SLC35F1: variants seen among roughly 807,000 people sequenced by gnomAD.
The protein encoded by SLC35F1 is solute carrier family 35 member F1.
SLC35F1 carries 14 observed loss-of-function variants against 48.7 expected under a neutral mutation model. The observed-to-expected ratio is 0.29, with a 90% CI of 0.19 to 0.45. The LOEUF (loss-of-function observed/expected upper bound fraction) is 0.45, where lower values mean the gene tolerates loss of function less well. Ranked by LOEUF, SLC35F1 falls within the 20% of genes least tolerant of loss-of-function variation. SLC35F1 has a pLI of 1.00. For missense variants in SLC35F1, 404 were observed against 500.0 expected (o/e 0.81, Z 1.83); for synonymous variants, 190 against 202.2 (o/e 0.94, Z 0.51).
chr6:117,927,223 G>A (rs1415636090), intron 1 of SLC35F1, among the ~76,000 whole-genome samples: 1 of 152,206 alleles, frequency 6.6e-6, no homozygotes, highest in Non-Finnish European at 1.5e-5. Flanking sequence ...TAATGCATGT[G>A]TAAGGAAGAA....
intron 7 of SLC35F1, among the ~76,000 whole-genome samples, chr6:118,302,826 A>C (rs768459188): frequency 1.8e-4 from 28 of 152,110 alleles, no homozygotes; most frequent in Non-Finnish European, 1.0e-4. Flanking sequence ...GTACTGTGAA[A>C]ATTCAATAAT....
intron 2 of SLC35F1, among the ~76,000 whole-genome samples, chr6:118,160,407 CTATT>C (rs1451151087): frequency 1.3e-5 from 2 of 152,112 alleles, no homozygotes; most frequent in Non-Finnish European, 2.9e-5. Flanking sequence ...ATACATGAAA[CTATT>C]TATTGAATCA....
rs1314435971 is a variant in SLC35F1, at chr6:118,285,173, T to G, written c.848-11T>G. On this transcript the variant is annotated splice_polypyrimidine_tract_variant and intron_variant, in intron 6 of 7. Coordinates refer to ENST00000360388, the MANE Select transcript of SLC35F1 (RefSeq NM_001029858.4). Reference sequence around the variant, plus strand: ...GGCCCTGACGCTGCCTTCTCTTTACTCTTCCCCCAGGACTGCTCTACGTTG... The same window carrying G: ...GGCCCTGACGCTGCCTTCTCTTTACGCTTCCCCCAGGACTGCTCTACGTTG... The G allele has an allele frequency of 6.2e-7, 1 of 1,612,320 alleles. No homozygotes were observed. Among genetic ancestry groups the G allele is most frequent in the Non-Finnish European group, 8.5e-7 (1 of 1,178,622 alleles).
intron 2 of SLC35F1, among the ~76,000 whole-genome samples, chr6:118,234,012 A>G (rs1453108271): frequency 6.6e-6 from 1 of 152,234 alleles, no homozygotes; most frequent in East Asian, 1.9e-4. Context: ...ACAAGTCTTC[A>G]TAGGGTTGGA....
intron 1 of SLC35F1, among the ~76,000 whole-genome samples, chr6:118,035,937 C>T (rs62431213): frequency 0.04 from 6,071 of 152,056 alleles, 192 homozygotes; most frequent in African/African-American, 0.082. Context: ...CATGATCCGC[C>T]CGCCTCGGCC....
chr6:118,274,664 C>T (rs1163026172), intron 4 of SLC35F1, among the ~76,000 whole-genome samples: 1 of 152,208 alleles, frequency 6.6e-6, no homozygotes, highest in Admixed American at 6.5e-5. Flanking sequence ...TCCCAAAATG[C>T]TAGGATTACA....
intron 1 of SLC35F1, among the ~76,000 whole-genome samples, chr6:118,009,319 T>C (rs1204348573): frequency 2.6e-5 from 4 of 152,126 alleles, no homozygotes; most frequent in Non-Finnish European, 5.9e-5. Context: ...ATTAGGTTTA[T>C]TTTACAGGTG....
chr6:117,948,496 G>A (rs939136548), intron 1 of SLC35F1, among the ~76,000 whole-genome samples: 1 of 152,008 alleles, frequency 6.6e-6, no homozygotes, highest in African/African-American at 2.4e-5. Context: ...GAGCATTCTG[G>A]TTCTGGTGGA....
chr6:118,282,104 C>A (rs283085), intron 6 of SLC35F1, among the ~76,000 whole-genome samples: 76,130 of 152,008 alleles, frequency 0.5, 19,361 homozygotes, highest in Non-Finnish European at 0.55. Context: ...GTTACTGCAG[C>A]CATTTTGTAG....
At chr6:117,940,559 A>G (rs1244789464) in intron 1 of SLC35F1, among the ~76,000 whole-genome samples, 2 of 152,236 alleles carry the variant, frequency 1.3e-5, no homozygotes, top group Admixed American at 6.5e-5. Context: ...TCATTACAAG[A>G]TTATTCACAA....
chr6:118,007,030 G>GT (rs34534349), intron 1 of SLC35F1, among the ~76,000 whole-genome samples: 221 of 146,902 alleles, frequency 1.5e-3, no homozygotes, highest in Admixed American at 4.3e-3. Flanking sequence ...AACACATGTT[G>GT]TTTTTTTTTT....
At chr6:118,139,724 T>G (rs900272654) in intron 1 of SLC35F1, among the ~76,000 whole-genome samples, 3 of 152,200 alleles carry the variant, frequency 2.0e-5, no homozygotes, top group Non-Finnish European at 2.9e-5. Flanking sequence ...TGCTCCCAAA[T>G]TACTTGTAGC....
At chr6:118,000,279 G>A (rs1038419027) in intron 1 of SLC35F1, among the ~76,000 whole-genome samples, 3 of 152,132 alleles carry the variant, frequency 2.0e-5, no homozygotes, top group Non-Finnish European at 2.9e-5. Context: ...TCCCTGTGAT[G>A]CAAGGCTGGT....
At chr6:118,104,634 A>G (rs575632134) in intron 1 of SLC35F1, among the ~76,000 whole-genome samples, 1 of 152,280 alleles carries the variant, frequency 6.6e-6, no homozygotes, top group South Asian at 2.1e-4. Flanking sequence ...GTGGCCCCTA[A>G]TGTGATTTTT....
Position 118,197,053 on chromosome 6 carries a change from A to T in SLC35F1, c.350-38456A>T, listed in dbSNP as rs536126654. ...AAAAAAAAAGTACTTCTGTGAGATGATGGGTGTTAATTTGCCTATAGTAAC... is the reference window on the plus strand; with the variant it reads ...AAAAAAAAAGTACTTCTGTGAGATGTTGGGTGTTAATTTGCCTATAGTAAC... On this transcript the variant is annotated intron_variant, in intron 2 of 7. Coordinates refer to ENST00000360388, the MANE Select transcript of SLC35F1 (RefSeq NM_001029858.4). Among the ~76,000 whole-genome samples the T allele has an allele frequency of 4.6e-5, 7 of 152,028 alleles. No homozygotes were observed. The South Asian group carries it at 1.5e-3, about 32-fold the overall frequency.
intron 3 of SLC35F1, among the ~76,000 whole-genome samples, chr6:118,266,629 G>T (rs1195131747): frequency 1.3e-5 from 2 of 152,034 alleles, no homozygotes; most frequent in Admixed American, 1.3e-4. Context: ...ATGTAAAAAG[G>T]CTGGGTGTAC....
At chr6:118,161,118 A>G (rs1046701167) in intron 2 of SLC35F1, among the ~76,000 whole-genome samples, 2 of 152,172 alleles carry the variant, frequency 1.3e-5, no homozygotes, top group Admixed American at 1.3e-4. Context: ...GTGAAATAAA[A>G]TAGGCCTATC....
chr6:118,055,443 CATT>C (rs549285437), intron 1 of SLC35F1, among the ~76,000 whole-genome samples: 33 of 152,186 alleles, frequency 2.2e-4, no homozygotes, highest in African/African-American at 7.7e-4. Context: ...CTTGGCCTCT[CATT>C]ATAACTCACA....
Position 118,314,223 on chromosome 6 carries a change from G to A in SLC35F1, c.1198G>A (p.Glu400Lys). Residue 400 changes from glutamate to lysine, a missense_variant, in exon 8 of 8, where the codon GAA becomes AAA. Glu to Lys is a moderately conservative substitution (Grantham distance 56, BLOSUM62 1). This residue lies in a region of SLC35F1 where 306 missense variants were observed against 419.1 expected (regional missense o/e 0.73). Transcript: ENST00000360388. ...CTACACCAGCCTGGGCCAGGAGACC[G>A]AAGAGGAGCCTCATGTTCGTGTGGC... Reference protein sequence around the residue: ...VTYTSLGQETEEEPHVRVA With the variant: ...VTYTSLGQETKEEPHVRVA The A allele has an allele frequency of 5.6e-6, 9 of 1,614,190 alleles. No individual in the cohort carries two copies. Among genetic ancestry groups the A allele is most frequent in the Non-Finnish European group, 7.6e-6 (9 of 1,180,022 alleles).
Sources: allele counts gnomAD v4.1 joint callset (sites outside exome capture counted in the v4.1 genomes callset), GRCh38; gene constraint gnomAD v4.1.1; regional missense constraint gnomAD v4.1.1; transcripts MANE v1.5; gene names NCBI Gene and HGNC (gene_info 2026-07-23, HGNC 2026-07-21).